CTNNAL1: variants seen among roughly 807,000 people sequenced by gnomAD.
The protein encoded by CTNNAL1 is alpha-catulin.
In CTNNAL1, 69 loss-of-function variants were observed where a neutral mutation model predicts 93.6. That is an observed-to-expected ratio of 0.74 (90% CI 0.61 to 0.90). The LOEUF (loss-of-function observed/expected upper bound fraction) is 0.90, where lower values mean the gene tolerates loss of function less well. CTNNAL1 is among the 40% of genes least tolerant of loss of function. The pLI, the probability that CTNNAL1 is intolerant of heterozygous loss-of-function variation, is 0.00. For synonymous variants in CTNNAL1, 286 were observed against 305.4 expected (o/e 0.94, Z 0.66); for missense variants, 836 against 862.0 (o/e 0.97, Z 0.38).
At position 108,965,448 on chromosome 9, in the gene CTNNAL1, A is replaced by C; in HGVS notation, c.1521T>G (p.Ala507=). 1 of 1,596,222 alleles carries C rather than the reference A, an allele frequency of 6.3e-7. No individual in the cohort carries two copies. The highest frequency in any genetic ancestry group is 2.3e-5 in the East Asian group (1 of 43,808). Residue 507 remains alanine (A), a synonymous_variant, in exon 11 of 19, where the codon GCT becomes GCG. Coordinates refer to ENST00000325551, the MANE Select transcript of CTNNAL1 (RefSeq NM_003798.4). ...AKENLDVFCE[A]WESQISDMST... ...ACATGTCACTAATTTGGGATTCCCA[A>C]GCTTCACAAAATACATCTAGGTTTT... is the stretch of plus-strand genomic sequence containing the variant.
chr9:109,002,508 A>G (rs901327526), intron 1 of CTNNAL1, among the ~76,000 whole-genome samples: 4 of 152,206 alleles, frequency 2.6e-5, no homozygotes, highest in Non-Finnish European at 5.9e-5. Context: ...AGTCACCCTC[A>G]TTAACATGAA....
At chr9:108,985,792 AGT>A (rs945907863) in intron 4 of CTNNAL1, among the ~76,000 whole-genome samples, 3 of 152,154 alleles carry the variant, frequency 2.0e-5, no homozygotes, top group Non-Finnish European at 4.4e-5. Flanking sequence ...CAATGCATCA[AGT>A]GTGTATGCCA....
At chr9:108,959,162 A>AACTAAC (rs1467317727) in intron 11 of CTNNAL1, among the ~76,000 whole-genome samples, 2 of 150,656 alleles carry the variant, frequency 1.3e-5, no homozygotes, top group Non-Finnish European at 1.5e-5. Context: ...GATCGAGACC[A>AACTAAC]TCCTGGCTAA....
At chr9:108,984,824 A>T (rs1831554680) in intron 4 of CTNNAL1, among the ~76,000 whole-genome samples, 1 of 152,216 alleles carries the variant, frequency 6.6e-6, no homozygotes, top group Admixed American at 6.5e-5. Context: ...TCTATTGACT[A>T]TTATTTCCTT....
chr9:108,943,806 T>C lies in CTNNAL1; in HGVS notation c.1952A>G (p.Asp651Gly). The change falls in exon 17 of 19, where the codon GAT becomes GGT. Residue 651 changes from aspartate to glycine, a missense_variant. By Grantham distance (94) the Asp-to-Gly change is moderately conservative (BLOSUM62 -1). Transcript: ENST00000325551. Reference sequence around the variant, plus strand: ...TTCCAGGAGAAGCATAAGCTTGTCATCGTCTTTCAGCTGAAATGTAATTTA... The same window carrying C: ...TTCCAGGAGAAGCATAAGCTTGTCACCGTCTTTCAGCTGAAATGTAATTTA... ...VQAFSKQLKD[D>G]DKLMLLLEIN... is the part of the protein sequence containing the mutation. 1 of 1,613,582 alleles carries C rather than the reference T, an allele frequency of 6.2e-7. No individual in the cohort carries two copies.
In CTNNAL1 at chr9:108,992,821, T is replaced by C. The variant is rs1340753326; in HGVS notation, c.332-2A>G. On this transcript the variant is annotated splice_acceptor_variant, in intron 2 of 18. Transcript: ENST00000325551. LOFTEE classifies it high-confidence loss of function. ...CTGTAAGTGCTGCAATTGTTTCTCC[T>C]AACAAGAAAGACGAGGGGAGAAAGT... 4.4e-6 allele frequency: 7 copies of C among 1,602,560 alleles called. No homozygotes were observed. Among genetic ancestry groups the C allele is most frequent in the Non-Finnish European group, 6.0e-6 (7 of 1,175,598 alleles).
intron 1 of CTNNAL1, 135 bp downstream of exon 1, chr9:109,013,167 G>T: frequency 1.8e-6 from 2 of 1,130,166 alleles, no homozygotes; most frequent in South Asian, 2.0e-5. Flanking sequence ...CCACACAGGC[G>T]GTCCGACAAG....
At chr9:108,970,352 A>C in intron 10 of CTNNAL1, 50 bp downstream of exon 10, 2 of 1,517,454 alleles carry the variant, frequency 1.3e-6, no homozygotes, top group Non-Finnish European at 1.8e-6. Flanking sequence ...AACTTGTTAT[A>C]ACACTCAGAT....
Position 109,013,465 on chromosome 9 carries a change from C to T in CTNNAL1, c.-23G>A, listed in dbSNP as rs1354190536. On this transcript the variant is annotated 5_prime_UTR_variant, in exon 1 of 19. Coordinates refer to ENST00000325551, the MANE Select transcript of CTNNAL1 (RefSeq NM_003798.4). ...CATGGCCCTCGGTCTATCCCGCAGCCGGGACTCCGCGCCGCGGCGAGCCTG... is the reference window on the plus strand; with the variant it reads ...CATGGCCCTCGGTCTATCCCGCAGCTGGGACTCCGCGCCGCGGCGAGCCTG... 4 of 1,353,568 alleles carry T rather than the reference C, an allele frequency of 3.0e-6. No homozygotes were observed. 83.8% of individuals were successfully genotyped at this position (1,353,568 alleles called of 1,614,324 possible).
rs1564157601 is a variant in CTNNAL1, at chr9:109,013,336, G to A, written c.107C>T (p.Ser36Leu). ...LDSGLEIKTR[S>L]VEQTLLPLVS... is the part of the protein sequence containing the mutation. ...CAGCGGGAGTAGCGTCTGCTCCACCGAGCGAGTTTTGATCTCCAGTCCCGA... is the reference window on the plus strand; with the variant it reads ...CAGCGGGAGTAGCGTCTGCTCCACCAAGCGAGTTTTGATCTCCAGTCCCGA... The change falls in exon 1 of 19, where the codon TCG becomes TTG. Residue 36 changes from serine (S) to leucine (L), a missense_variant. Coordinates refer to ENST00000325551, the MANE Select transcript of CTNNAL1 (RefSeq NM_003798.4). 19 of 1,515,578 alleles carry A rather than the reference G, an allele frequency of 1.3e-5. No homozygotes were observed. Among genetic ancestry groups the A allele is most frequent in the Non-Finnish European group, 1.4e-5 (16 of 1,131,264 alleles). 93.9% of individuals were successfully genotyped at this position (1,515,578 alleles called of 1,614,324 possible).
chr9:108,947,107 ATTTC>A (rs1372905589), intron 15 of CTNNAL1, among the ~76,000 whole-genome samples: 24 of 145,956 alleles, frequency 1.6e-4, no homozygotes, highest in African/African-American at 5.2e-4. Flanking sequence ...AGTGATAGAA[ATTTC>A]TTTCTTTTTT....
chr9:108,945,464 T>C (rs1391538319), intron 15 of CTNNAL1, among the ~76,000 whole-genome samples: 3 of 137,840 alleles, frequency 2.2e-5, no homozygotes, highest in Non-Finnish European at 3.1e-5. Flanking sequence ...GTTTTCTTCC[T>C]TTTTTTTTTT....
At chr9:108,946,171 C>T (rs1260336167) in intron 15 of CTNNAL1, among the ~76,000 whole-genome samples, 1 of 151,868 alleles carries the variant, frequency 6.6e-6, no homozygotes, top group Non-Finnish European at 1.5e-5. Context: ...TGGTAGCGCA[C>T]ACCTGTAGTC....
rs28361131 is a variant in CTNNAL1 at position 108,982,832 on chromosome 9, C to A, written c.900+313G>T. Among the ~76,000 whole-genome samples the A allele has an allele frequency of 8.6e-3, 1,303 of 152,318 alleles. 14 individuals are homozygous for A. The highest frequency in any genetic ancestry group is 0.03 in the African/African-American group (1,255 of 41,570). On this transcript the variant is annotated intron_variant, in intron 6 of 18. Transcript: ENST00000325551. The stretch of plus-strand genomic sequence containing the variant: ...GTGGCTCATGCCTGTGATCCCAGCA[C>A]TTTGGGAGGCCCAGGCGGGTAGATC...
chr9:108,956,370 G>A (rs372144002), intron 11 of CTNNAL1, among the ~76,000 whole-genome samples: 5 of 152,186 alleles, frequency 3.3e-5, no homozygotes, highest in South Asian at 4.1e-4. Context: ...GCATGATAAC[G>A]AGGAAAGGAA....
chr9:108,968,938 G>C (rs1168531850), intron 10 of CTNNAL1, among the ~76,000 whole-genome samples: 1 of 151,696 alleles, frequency 6.6e-6, no homozygotes, highest in Non-Finnish European at 1.5e-5. Flanking sequence ...ATAAACAAAA[G>C]AACAACTGCA....
Position 108,942,999 on chromosome 9 carries a change from C to T in CTNNAL1, c.2101G>A (p.Val701Ile), listed in dbSNP as rs781263115. ...TKTRSMMALL[V>I]QLLSLCYKLL... ...TTATAACAAAGTGAAAGAAGTTGGA[C>T]TAAGAGAGCCATCATGGATCTTGTC... The change falls in exon 18 of 19, where the codon GTC (valine) becomes ATC (isoleucine). Residue 701 changes from valine to isoleucine, a missense_variant. Physicochemically the swap from Val to Ile is conservative, Grantham distance 29. Coordinates refer to ENST00000325551, the MANE Select transcript of CTNNAL1 (RefSeq NM_003798.4). 2 of 1,613,028 alleles carry T rather than the reference C, an allele frequency of 1.2e-6. No individual in the cohort carries two copies. Among genetic ancestry groups the T allele is most frequent in the South Asian group, 2.2e-5 (2 of 90,610 alleles).
At chr9:108,988,854 T>C (rs960920542) in intron 4 of CTNNAL1, among the ~76,000 whole-genome samples, 3 of 152,202 alleles carry the variant, frequency 2.0e-5, no homozygotes, top group Non-Finnish European at 4.4e-5. Context: ...AGCTGATGAA[T>C]ATTTGCTGAG....
At chr9:108,955,685 G>T in intron 12 of CTNNAL1, 105 bp downstream of exon 12, 4 of 1,000,344 alleles carry the variant, frequency 4.0e-6, no homozygotes, top group Admixed American at 4.5e-5. Context: ...ACTTTTTTCT[G>T]TCATGTCAAT....
Sources: allele counts gnomAD v4.1 joint callset (sites outside exome capture counted in the v4.1 genomes callset), GRCh38; gene constraint gnomAD v4.1.1; transcripts MANE v1.5; gene names NCBI Gene and HGNC (gene_info 2026-07-23, HGNC 2026-07-21).